KCNQ5: variants seen among roughly 807,000 people sequenced by gnomAD.
KCNQ5 encodes potassium voltage-gated channel subfamily Q member 5.
In KCNQ5, 30 loss-of-function variants were observed where a neutral mutation model predicts 98.2. The observed-to-expected ratio is 0.31, with a 90% CI of 0.23 to 0.41. KCNQ5 has a LOEUF of 0.41. KCNQ5 is among the 10% of genes least tolerant of loss of function. The probability of loss-of-function intolerance (pLI) is 1.00; values close to 1 mark genes in which losing one functional copy is unlikely to be tolerated. For missense variants in KCNQ5, 835 were observed against 1,182.5 expected, an observed-to-expected ratio of 0.71 and a Z score of 4.31; for synonymous variants, 458 against 449.4, an observed-to-expected ratio of 1.02 and a Z score of -0.24.
chr6:72,844,721 G>A (rs985972610), intron 1 of KCNQ5, among the ~76,000 whole-genome samples: 3 of 152,124 alleles, frequency 2.0e-5, no homozygotes, highest in African/African-American at 7.2e-5. Flanking sequence ...AAAACAAATT[G>A]TAAAGTAATC....
intron 1 of KCNQ5, among the ~76,000 whole-genome samples, chr6:72,702,660 A>G (rs1768874426): frequency 6.6e-6 from 1 of 152,142 alleles, no homozygotes. Context: ...TGTCTTCAGC[A>G]TGTGACCCAT....
chr6:72,974,938 T>C (rs1768091031), intron 1 of KCNQ5, among the ~76,000 whole-genome samples: 1 of 151,802 alleles, frequency 6.6e-6, no homozygotes, highest in African/African-American at 2.4e-5. Context: ...GGTTTCACTG[T>C]GTTGCCCAGG....
intron 10 of KCNQ5, among the ~76,000 whole-genome samples, chr6:73,137,901 C>A (rs914260981): frequency 6.6e-6 from 1 of 152,174 alleles, no homozygotes; most frequent in South Asian, 2.1e-4. Flanking sequence ...CCCCACCACC[C>A]TCTTCTTGCC....
At chr6:72,707,429 A>G (rs1769147167) in intron 1 of KCNQ5, among the ~76,000 whole-genome samples, 1 of 152,182 alleles carries the variant, frequency 6.6e-6, no homozygotes, top group Non-Finnish European at 1.5e-5. Context: ...TGTTTATTTC[A>G]GAATTTTAAA....
chr6:72,667,872 A>G (rs1011261049), intron 1 of KCNQ5, among the ~76,000 whole-genome samples: 1 of 152,196 alleles, frequency 6.6e-6, no homozygotes, highest in Admixed American at 6.5e-5. Context: ...AAAATAACTG[A>G]CCAATAATCT....
chr6:72,719,280 A>C (rs1166870015), intron 1 of KCNQ5, among the ~76,000 whole-genome samples: 1 of 152,226 alleles, frequency 6.6e-6, no homozygotes, highest in Non-Finnish European at 1.5e-5. Flanking sequence ...TGGAAGACAG[A>C]GGCAGAGATC....
intron 1 of KCNQ5, among the ~76,000 whole-genome samples, chr6:72,960,202 A>G (rs13212511): frequency 0.027 from 4,143 of 152,324 alleles, 108 homozygotes; most frequent in Non-Finnish European, 0.04. Flanking sequence ...TGGCCATTCC[A>G]TCACAGTATC....
chr6:72,985,700 C>T (rs1378066450), intron 1 of KCNQ5, among the ~76,000 whole-genome samples: 1 of 152,168 alleles, frequency 6.6e-6, no homozygotes, highest in Non-Finnish European at 1.5e-5. Context: ...AACTTATATC[C>T]TGTTAGTGGG....
chr6:72,908,699 T>G (rs555920300), intron 1 of KCNQ5, among the ~76,000 whole-genome samples: 41 of 152,234 alleles, frequency 2.7e-4, no homozygotes, highest in African/African-American at 7.5e-4. Flanking sequence ...CAACAAGCCA[T>G]AGTGAATTAT....
intron 1 of KCNQ5, among the ~76,000 whole-genome samples, chr6:72,969,810 T>A (rs553901029): frequency 6.6e-6 from 1 of 152,304 alleles, no homozygotes; most frequent in East Asian, 1.9e-4. Flanking sequence ...TTACTGTTGA[T>A]GTTGTCTGGG....
intron 1 of KCNQ5, among the ~76,000 whole-genome samples, chr6:72,627,994 T>TC (rs2098918858): frequency 6.6e-6 from 1 of 152,128 alleles, no homozygotes; most frequent in African/African-American, 2.4e-5. Context: ...TAATGGTGCT[T>TC]CCCCCATTGT....
At chr6:73,084,689 A>T (rs1033667767) in intron 5 of KCNQ5, among the ~76,000 whole-genome samples, 1 of 152,196 alleles carries the variant, frequency 6.6e-6, no homozygotes, top group Admixed American at 6.5e-5. Context: ...CCAAGCCCCT[A>T]AAGATCGCAT....
chr6:72,829,446 C>CCCT (rs1776137897), intron 1 of KCNQ5, among the ~76,000 whole-genome samples: 1 of 107,714 alleles, frequency 9.3e-6, no homozygotes, highest in Non-Finnish European at 1.9e-5. Context: ...CTCTCCTCTT[C>CCCT]TCTTCTCTCT....
Position 72,671,105 on chromosome 6 carries a change from C to T in KCNQ5, c.398+48518C>T, listed in dbSNP as rs1000687542. Among the ~76,000 whole-genome samples, 80 of 152,176 alleles carry T rather than the reference C, an allele frequency of 5.3e-4. 2 individuals carry two copies. The highest frequency in any genetic ancestry group is 5.2e-3 in the Admixed American group (79 of 15,276). ...CCTTTAACGCCCGTATTTCTACCAA[C>T]ATTCAGTTCACGATTGTTTAGTATT... is the stretch of plus-strand genomic sequence containing the variant. On this transcript the variant is annotated intron_variant, in intron 1 of 13. Coordinates refer to ENST00000370398, the MANE Select transcript of KCNQ5 (RefSeq NM_019842.4).
chr6:72,944,038 G>A (rs1356877589), intron 1 of KCNQ5, among the ~76,000 whole-genome samples: 1 of 152,158 alleles, frequency 6.6e-6, no homozygotes, highest in Non-Finnish European at 1.5e-5. Flanking sequence ...GACCCAGAAT[G>A]TTTAGCCCCA....
At chr6:72,739,410 C>T (rs943809862) in intron 1 of KCNQ5, among the ~76,000 whole-genome samples, 7 of 152,030 alleles carry the variant, frequency 4.6e-5, no homozygotes, top group African/African-American at 1.7e-4. Flanking sequence ...ACACAGAAGA[C>T]ATGGAAAAAA....
chr6:72,635,670 GTTTT>G (rs528990234), intron 1 of KCNQ5, among the ~76,000 whole-genome samples: 1 of 65,074 alleles, frequency 1.5e-5, no homozygotes, highest in Non-Finnish European at 2.9e-5. Flanking sequence ...ATTGCTCCTA[GTTTT>G]TTTTTTTTTT....
chr6:73,097,158 T>TATATATATATATATATATAC (rs978966757), intron 5 of KCNQ5, among the ~76,000 whole-genome samples: 42 of 146,986 alleles, frequency 2.9e-4, no homozygotes, highest in South Asian at 6.6e-4. Context: ...TATATATATA[T>TATATATATATATATATATAC]ACACACACAC....
At chr6:72,866,279 G>A (rs1376969538) in intron 1 of KCNQ5, among the ~76,000 whole-genome samples, 1 of 127,918 alleles carries the variant, frequency 7.8e-6, no homozygotes, top group African/African-American at 3.2e-5. Context: ...TTTTTGAAAC[G>A]GTCTCACTCT....
Sources: gnomAD v4.1 joint callset for allele counts (sites outside exome capture counted in the v4.1 genomes callset) on GRCh38, gnomAD v4.1.1 for gene constraint, MANE v1.5 for transcripts, NCBI Gene and HGNC (gene_info 2026-07-23, HGNC 2026-07-21) for gene names.